Variants in HHLA2 observed in about 807,000 individuals in gnomAD.
HHLA2 encodes the protein HHLA2 member of B7 family.
A neutral mutation model predicts 45.9 loss-of-function variants in HHLA2; 48 were observed. That is an observed-to-expected ratio of 1.05 (90% CI 0.83 to 1.33). The LOEUF (loss-of-function observed/expected upper bound fraction) is 1.33, where lower values mean the gene tolerates loss of function less well. Among genes scored for constraint, HHLA2 ranks in the 40% most tolerant of loss-of-function variants. The probability of loss-of-function intolerance (pLI) is 0.00; values close to 1 mark genes in which losing one functional copy is unlikely to be tolerated. For missense variants in HHLA2, 462 were observed against 494.3 expected, an observed-to-expected ratio of 0.93 and a Z score of 0.62; for synonymous variants, 161 against 173.9, an observed-to-expected ratio of 0.93 and a Z score of 0.59.
At chr3:108,305,194 G>GA (rs149637000) in intron 1 of HHLA2, among the ~76,000 whole-genome samples, 9,482 of 152,244 alleles carry the variant, frequency 0.062, 433 homozygotes, top group East Asian at 0.23. Context: ...AACAGAACCT[G>GA]AGCAAGGATT....
chr3:108,326,731 C>T (rs1239184464), intron 2 of HHLA2: 1 of 152,332 alleles, frequency 6.6e-6, no homozygotes, highest in African/African-American at 2.4e-5. Flanking sequence ...TGTAGAAACC[C>T]TCATCAGTTA....
chr3:108,363,020 CT>C (rs1560267846), intron 8 of HHLA2, among the ~76,000 whole-genome samples: 1 of 152,002 alleles, frequency 6.6e-6, no homozygotes, highest in Non-Finnish European at 1.5e-5. Context: ...CTGCATTGTT[CT>C]TTTCTTATGG....
intron 1 of HHLA2, among the ~76,000 whole-genome samples, chr3:108,310,115 G>A (rs1368337742): frequency 1.3e-5 from 2 of 151,838 alleles, no homozygotes; most frequent in Non-Finnish European, 2.9e-5. Context: ...TTAAAAATTA[G>A]CACTTTCTTT....
chr3:108,342,615 A>G (rs553536027), intron 3 of HHLA2, among the ~76,000 whole-genome samples: 3 of 152,130 alleles, frequency 2.0e-5, no homozygotes, highest in Non-Finnish European at 4.4e-5. Context: ...TCTTTCTAAA[A>G]CACAATCTGA....
At chr3:108,372,888 C>A (rs1362741173) in intron 8 of HHLA2, among the ~76,000 whole-genome samples, 2 of 152,234 alleles carry the variant, frequency 1.3e-5, no homozygotes, top group Non-Finnish European at 2.9e-5. Context: ...CAGCCGAATT[C>A]TACCAGAGGT....
At chr3:108,341,589 A>G (rs1411568994) in intron 3 of HHLA2, among the ~76,000 whole-genome samples, 3 of 126,608 alleles carry the variant, frequency 2.4e-5, no homozygotes, top group South Asian at 2.6e-4. Context: ...TTTGTTTTTC[A>G]TTGATTTATT....
At chr3:108,359,879 C>T (rs1210955738) in intron 7 of HHLA2, among the ~76,000 whole-genome samples, 2 of 152,150 alleles carry the variant, frequency 1.3e-5, no homozygotes, top group Non-Finnish European at 2.9e-5. Flanking sequence ...TGCATTCCCA[C>T]ATGGTACGAG....
At chr3:108,358,070 G>C in exon 7 of HHLA2, 1 of 1,613,772 alleles carries the variant, frequency 6.2e-7, no homozygotes, top group Non-Finnish European at 8.5e-7. Context: ...CTATGAATTT[G>C]ATGGATCTTA....
At chr3:108,339,428 A>G (rs1285735285) in intron 3 of HHLA2, among the ~76,000 whole-genome samples, 7 of 152,174 alleles carry the variant, frequency 4.6e-5, no homozygotes. Flanking sequence ...GCTGTTTGTC[A>G]ATTACAAGCT....
chr3:108,372,159 A>G (rs1382407986), intron 8 of HHLA2, among the ~76,000 whole-genome samples: 1 of 152,270 alleles, frequency 6.6e-6, no homozygotes, highest in Non-Finnish European at 1.5e-5. Context: ...ACTAGAACTC[A>G]GGATTAAGAA....
chr3:108,346,550 T>A (rs1357424046), intron 3 of HHLA2, among the ~76,000 whole-genome samples: 3 of 152,222 alleles, frequency 2.0e-5, no homozygotes, highest in Non-Finnish European at 4.4e-5. Flanking sequence ...GGCATAATGA[T>A]GAGAGTGATG....
At chr3:108,333,637 G>T in intron 3 of HHLA2, among the ~76,000 whole-genome samples, 1 of 149,202 alleles carries the variant, frequency 6.7e-6, no homozygotes. Flanking sequence ...TTTAAATTCA[G>T]CACATACATG....
At chr3:108,334,863 T>C (rs994806067) in intron 3 of HHLA2, among the ~76,000 whole-genome samples, 5 of 152,144 alleles carry the variant, frequency 3.3e-5, no homozygotes, top group Non-Finnish European at 7.4e-5. Flanking sequence ...CATCAGGAGC[T>C]TGAGTCATGG....
chr3:108,363,862 C>A lies in HHLA2; in HGVS notation c.1108+1416C>A, dbSNP rs2082018811. Among the ~76,000 whole-genome samples, 3 of 152,230 alleles carry A rather than the reference C, an allele frequency of 2.0e-5. No homozygotes were observed. The South Asian group carries it at 6.2e-4, about 32-fold the overall frequency. ...ACAGTATATTCATGGCTGGGAGCAC[C>A]CGAATCACTAGCAAACTTAAACTTG... On this transcript the variant is annotated intron_variant, in intron 8 of 10. Coordinates refer to ENST00000619531, the Ensembl canonical transcript of HHLA2.
chr3:108,302,977 T>C (rs2080874267), intron 1 of HHLA2, among the ~76,000 whole-genome samples: 2 of 152,204 alleles, frequency 1.3e-5, no homozygotes, highest in Admixed American at 1.3e-4. Context: ...AAGCACCTTC[T>C]TTTTCTTCTC....
intron 1 of HHLA2, among the ~76,000 whole-genome samples, chr3:108,306,876 GAC>G (rs2080939178): frequency 6.6e-6 from 1 of 151,202 alleles, no homozygotes; most frequent in African/African-American, 2.4e-5. Context: ...CTTTTTTTGA[GAC>G]AGAGTCTCGC....
intron 2 of HHLA2, among the ~76,000 whole-genome samples, chr3:108,323,076 C>T (rs980425911): frequency 6.7e-6 from 1 of 149,768 alleles, no homozygotes; most frequent in Non-Finnish European, 1.5e-5. Flanking sequence ...TTTGACCTCA[C>T]CTCTTTTTCT....
intron 4 of HHLA2, among the ~76,000 whole-genome samples, chr3:108,352,591 T>C (rs1193503670): frequency 6.6e-6 from 1 of 152,234 alleles, no homozygotes; most frequent in Non-Finnish European, 1.5e-5. Context: ...ACTTAAAATA[T>C]TTTGTAAATC....
intron 1 of HHLA2, among the ~76,000 whole-genome samples, chr3:108,308,699 G>A (rs948315757): frequency 2.6e-5 from 4 of 152,168 alleles, no homozygotes; most frequent in Admixed American, 2.6e-4. Flanking sequence ...TTGGATAGAA[G>A]CCATTTTAAC....
Sources: gnomAD v4.1 joint callset for allele counts (sites outside exome capture counted in the v4.1 genomes callset) on GRCh38, gnomAD v4.1.1 for gene constraint, MANE v1.5 for transcripts, NCBI Gene and HGNC (gene_info 2026-07-23, HGNC 2026-07-21) for gene names.